Variants in ADAMTS3 observed in about 807,000 individuals in gnomAD.
ADAMTS3 encodes the protein ADAM metallopeptidase with thrombospondin type 1 motif 3.
A neutral mutation model predicts 129.0 loss-of-function variants in ADAMTS3; 73 were observed. The ratio of observed to expected loss-of-function variants is 0.57; its 90% confidence interval spans 0.47 to 0.69. ADAMTS3 has a LOEUF of 0.69. Ranked by LOEUF, ADAMTS3 falls within the 30% of genes least tolerant of loss-of-function variation. The pLI is 0.00. For synonymous variants in ADAMTS3, 477 were observed against 510.8 expected, an observed-to-expected ratio of 0.93 and a Z score of 0.89; for missense variants, 1,457 against 1,514.5, an observed-to-expected ratio of 0.96 and a Z score of 0.63.
rs1306551087 is a variant in ADAMTS3, at chr4:72,437,697, C to T, written c.505-22726G>A. ...TTCTAGAGGGTGATGATAACAGAAA[C>T]AATAATAGAATGGGCTCAGCTCTTC... On this transcript the variant is annotated intron_variant, in intron 3 of 21. Coordinates refer to ENST00000286657, the MANE Select transcript of ADAMTS3 (RefSeq NM_014243.3). Among the ~76,000 whole-genome samples, 3 of 151,648 alleles carry T rather than the reference C, an allele frequency of 2.0e-5. No individual in the cohort carries two copies. In the East Asian group the frequency reaches 5.9e-4, roughly 30 times the overall value.
At chr4:72,288,923 T>TACACACACACACACACAC (rs33967517) in intron 20 of ADAMTS3, 55 bp from the exon 21 acceptor site, 13 of 452,660 alleles carry the variant, frequency 2.9e-5, no homozygotes, top group South Asian at 7.9e-5. Context: ...ACCATGCACA[T>TACACACACACACACACAC]ACACACACAC....
At chr4:72,454,247 C>T (rs1180145431) in intron 3 of ADAMTS3, among the ~76,000 whole-genome samples, 3 of 151,296 alleles carry the variant, frequency 2.0e-5, no homozygotes, top group Admixed American at 1.3e-4. Flanking sequence ...TAATAATGAC[C>T]TTTGACTTAA....
intron 15 of ADAMTS3, among the ~76,000 whole-genome samples, chr4:72,308,265 T>C (rs1167401267): frequency 6.6e-6 from 1 of 151,854 alleles, no homozygotes; most frequent in Non-Finnish European, 1.5e-5. Flanking sequence ...GTACAAAACA[T>C]GGTAATTTAT....
At chr4:72,465,111 T>G (rs1458315985) in intron 3 of ADAMTS3, among the ~76,000 whole-genome samples, 1 of 151,992 alleles carries the variant, frequency 6.6e-6, no homozygotes, top group African/African-American at 2.4e-5. Flanking sequence ...TAGTGACAAC[T>G]ATGATGCTAA....
At chr4:72,438,872 A>G (rs1291514002) in intron 3 of ADAMTS3, among the ~76,000 whole-genome samples, 4 of 151,752 alleles carry the variant, frequency 2.6e-5, no homozygotes, top group African/African-American at 9.7e-5. Context: ...AGACATCAAA[A>G]AAGATCAACT....
intron 3 of ADAMTS3, among the ~76,000 whole-genome samples, chr4:72,501,868 G>A (rs1391742214): frequency 1.3e-5 from 2 of 152,096 alleles, no homozygotes; most frequent in African/African-American, 4.8e-5. Context: ...CTATTGAGAT[G>A]ATCGTATGAT....
chr4:72,479,676 A>C (rs1468160426), intron 3 of ADAMTS3, among the ~76,000 whole-genome samples: 1 of 152,184 alleles, frequency 6.6e-6, no homozygotes, highest in Non-Finnish European at 1.5e-5. Flanking sequence ...ATGGCAACAA[A>C]AGACAAAATT....
chr4:72,471,596 C>T (rs1016690739), intron 3 of ADAMTS3, among the ~76,000 whole-genome samples: 1 of 151,938 alleles, frequency 6.6e-6, no homozygotes, highest in South Asian at 2.1e-4. Context: ...ACCAAAACAA[C>T]ATTAAAAATG....
chr4:72,287,224 A>T (rs1243853207), intron 21 of ADAMTS3, among the ~76,000 whole-genome samples: 1 of 152,062 alleles, frequency 6.6e-6, no homozygotes, highest in Non-Finnish European at 1.5e-5. Context: ...TGATGCCTTG[A>T]TCATGGGCTT....
chr4:72,407,666 G>A (rs79293830), intron 4 of ADAMTS3, among the ~76,000 whole-genome samples: 4,723 of 152,172 alleles, frequency 0.031, 112 homozygotes, highest in Non-Finnish European at 0.048. Context: ...AGAAAGAATG[G>A]CCACAAAGAC....
chr4:72,427,006 A>G (rs115364383), intron 3 of ADAMTS3, among the ~76,000 whole-genome samples: 275 of 152,248 alleles, frequency 1.8e-3, no homozygotes, highest in African/African-American at 6.4e-3. Context: ...GATCAGCCCT[A>G]TATTGTTTTT....
chr4:72,328,696 A>C (rs1578586310), intron 5 of ADAMTS3, among the ~76,000 whole-genome samples: 1 of 36,950 alleles, frequency 2.7e-5, no homozygotes, highest in Non-Finnish European at 2.4e-4. Flanking sequence ...TTGCAAATAT[A>C]AAAAAAAATT....
intron 3 of ADAMTS3, among the ~76,000 whole-genome samples, chr4:72,499,080 G>T (rs777949048): frequency 2.6e-5 from 4 of 152,084 alleles, no homozygotes; most frequent in Non-Finnish European, 5.9e-5. Context: ...GCCCAGAAAT[G>T]TGTATTTTAG....
In ADAMTS3 at chr4:72,400,372, C is replaced by T. The variant is rs530279354; in HGVS notation, c.661+14443G>A. The stretch of plus-strand genomic sequence containing the variant: ...ATATACGTGTGCATAGATATGCACA[C>T]GGTGTGTATATATACGTGTGCATAG... On this transcript the variant is annotated intron_variant, in intron 4 of 21. Transcript: ENST00000286657. Among the ~76,000 whole-genome samples the T allele has an allele frequency of 7.3e-5, 10 of 136,970 alleles. 3 individuals are homozygous for T. Among genetic ancestry groups the T allele is most frequent in the African/African-American group, 1.6e-4 (6 of 36,868 alleles). The allele number at this position is 136,970 out of a possible 152,430, so 89.9% of individuals were successfully genotyped here. A position where few individuals can be genotyped will look rare whatever the true frequency, so the allele number is the denominator to read the frequency against.
chr4:72,309,164 T>C (rs1160169509), intron 15 of ADAMTS3, among the ~76,000 whole-genome samples: 1 of 151,916 alleles, frequency 6.6e-6, no homozygotes, highest in Non-Finnish European at 1.5e-5. Flanking sequence ...TACTTGTTTC[T>C]TTTCTAAATT....
At chr4:72,567,739 C>T (rs6446839) in intron 1 of ADAMTS3, among the ~76,000 whole-genome samples, 140,809 of 152,296 alleles carry the variant, frequency 0.92, 66,152 homozygotes, top group East Asian at 1. Context: ...CAAAATACAC[C>T]TAACAGGGGG....
At chr4:72,440,972 A>C (rs572085429) in intron 3 of ADAMTS3, among the ~76,000 whole-genome samples, 1 of 151,820 alleles carries the variant, frequency 6.6e-6, no homozygotes, top group Non-Finnish European at 1.5e-5. Flanking sequence ...TACAATGAGT[A>C]TTCACAATTG....
At chr4:72,548,083 G>A (rs1025477785) in intron 3 of ADAMTS3, among the ~76,000 whole-genome samples, 8 of 152,078 alleles carry the variant, frequency 5.3e-5, no homozygotes, top group Non-Finnish European at 1.0e-4. Context: ...TCTTTACGAG[G>A]ATATCCAAAG....
Position 72,528,210 on chromosome 4 carries a change from TC to T in ADAMTS3, c.504+20267del, listed in dbSNP as rs1720864744. Among the ~76,000 whole-genome samples the T allele has an allele frequency of 2.2e-5, 3 of 135,894 alleles. No homozygotes were observed. In the South Asian group the frequency reaches 6.8e-4, roughly 31 times the overall value. 89.2% of individuals were successfully genotyped at this position (135,894 alleles called of 152,430 possible). On this transcript the variant is annotated intron_variant, in intron 3 of 21. Coordinates refer to ENST00000286657, the MANE Select transcript of ADAMTS3 (RefSeq NM_014243.3). ...TATGATCTCTCTTTTTTTAATTCTCTCTTTAAAAAAAAAAAGTTTCCATGCT... is the reference window on the plus strand; with the variant it reads ...TATGATCTCTCTTTTTTTAATTCTCTTTTAAAAAAAAAAAGTTTCCATGCT...
Sources: gnomAD v4.1 joint callset for allele counts (sites outside exome capture counted in the v4.1 genomes callset) on GRCh38, gnomAD v4.1.1 for gene constraint, MANE v1.5 for transcripts, NCBI Gene and HGNC (gene_info 2026-07-23, HGNC 2026-07-21) for gene names.